Variants in ARHGAP22 observed in about 807,000 individuals in gnomAD.
The protein encoded by ARHGAP22 is rho GTPase-activating protein 22.
Under a neutral mutation model 59.1 loss-of-function variants are expected in ARHGAP22, and 48 were observed. That is an observed-to-expected ratio of 0.81 (90% CI 0.64 to 1.03). The LOEUF is 1.03. ARHGAP22 is among the 50% of genes least tolerant of loss of function. The pLI is 0.00. For synonymous variants in ARHGAP22, 445 were observed against 416.4 expected (o/e 1.07, Z -0.84); for missense variants, 1,015 against 958.7 (o/e 1.06, Z -0.78).
At chr10:48,542,570 C>T (rs1405506288) in intron 3 of ARHGAP22, among the ~76,000 whole-genome samples, 4 of 152,200 alleles carry the variant, frequency 2.6e-5, no homozygotes, top group South Asian at 2.1e-4. Flanking sequence ...GCCTCTGCCC[C>T]GCCTCTCCTG....
intron 9 of ARHGAP22, among the ~76,000 whole-genome samples, chr10:48,447,441 C>T (rs1370464109): frequency 6.6e-6 from 1 of 152,218 alleles, no homozygotes; most frequent in South Asian, 2.1e-4. Context: ...GCACTGGTAA[C>T]CATGGACTGG....
chr10:48,644,526 G>A (rs1334020025), intron 1 of ARHGAP22, among the ~76,000 whole-genome samples: 1 of 152,130 alleles, frequency 6.6e-6, no homozygotes. Context: ...GAGACCTATG[G>A]TAGGCCATAA....
In ARHGAP22 at chr10:48,570,874, C is replaced by A. The variant is rs56289485; in HGVS notation, c.234+12079G>T. ...GAGCCAGGGTTCCAAACGCTCTGCACGAAACGGCCATTGAGGACTGCCAGG... is the reference window on the plus strand; with the variant it reads ...GAGCCAGGGTTCCAAACGCTCTGCAAGAAACGGCCATTGAGGACTGCCAGG... On this transcript the variant is annotated intron_variant, in intron 2 of 9. Transcript: ENST00000249601. Among the ~76,000 whole-genome samples the A allele has an allele frequency of 1.1e-3, 162 of 152,254 alleles. 2 individuals carry two copies. Among genetic ancestry groups the A allele is most frequent in the Non-Finnish European group, 3.8e-4 (26 of 67,994 alleles).
chr10:48,455,435 G>A (rs996962139), intron 5 of ARHGAP22, among the ~76,000 whole-genome samples: 13 of 152,320 alleles, frequency 8.5e-5, no homozygotes, highest in South Asian at 2.1e-4. Context: ...GTGTCAGTCC[G>A]TCCAGAACCT....
chr10:48,544,674 T>C (rs915334713), intron 3 of ARHGAP22, among the ~76,000 whole-genome samples: 2 of 152,258 alleles, frequency 1.3e-5, no homozygotes, highest in African/African-American at 4.8e-5. Context: ...CAATCATACA[T>C]TTTATGAAAT....
Position 48,555,538 on chromosome 10 carries a change from G to T in ARHGAP22, c.247C>A (p.Leu83Ile), listed in dbSNP as rs756188755. 5.9e-5 allele frequency: 96 copies of T among 1,614,036 alleles called. 2 individuals are homozygous for T. Among genetic ancestry groups the T allele is most frequent in the Admixed American group, 1.5e-4 (9 of 60,008 alleles). Reference protein sequence around the residue: ...DEIKPQGFISLQGTQVTELPP... With the variant: ...DEIKPQGFISIQGTQVTELPP... Reference sequence around the variant, plus strand: ...AGTTCAGTCACCTGTGTCCCTTGTAGAGAAATAAATCCCTAAAAAGGAGGC... The same window carrying T: ...AGTTCAGTCACCTGTGTCCCTTGTATAGAAATAAATCCCTAAAAAGGAGGC... Residue 83 changes from leucine to isoleucine, a missense_variant, in exon 3 of 10, where the codon CTA (leucine) becomes ATA (isoleucine). Transcript: ENST00000249601.
rs201859500 is a variant in ARHGAP22, at chr10:48,450,885, C to T, written c.1244G>A (p.Arg415Gln). The change falls in exon 9 of 10, where the codon CGG becomes CAG. Residue 415 changes from arginine to glutamine, a missense_variant. Physicochemically the swap from Arg to Gln is conservative, Grantham distance 43 (BLOSUM62 1). Transcript: ENST00000249601. ...SRTAPTGPGS[R>Q]CSPGKKVQTL... ...CTGCACCTTCTTCCCAGGGCTGCAC[C>T]GGCTCCCCGGCCCCGTGGGGGCTGT... The T allele has an allele frequency of 1.1e-4, 181 of 1,586,626 alleles. 2 individuals are homozygous for T. In the South Asian group the frequency reaches 1.6e-3, roughly 14 times the overall value.
In ARHGAP22 at chr10:48,578,475, G is replaced by A. The variant is rs180854055; in HGVS notation, c.234+4478C>T. On this transcript the variant is annotated intron_variant, in intron 2 of 9. Coordinates refer to ENST00000249601, the MANE Select transcript of ARHGAP22 (RefSeq NM_021226.4). ...AAATGTCACCCTTAACTGGAAGTTTGAATTTGAGTTTTGGTTTTCTCATTA... is the reference window on the plus strand; with the variant it reads ...AAATGTCACCCTTAACTGGAAGTTTAAATTTGAGTTTTGGTTTTCTCATTA... Among the ~76,000 whole-genome samples the A allele has an allele frequency of 2.2e-3, 328 of 152,030 alleles. 3 individuals are homozygous for A. The highest frequency in any genetic ancestry group is 7.7e-3 in the African/African-American group (319 of 41,406).
chr10:48,545,894 C>T (rs371152924), intron 3 of ARHGAP22, among the ~76,000 whole-genome samples: 9 of 152,228 alleles, frequency 5.9e-5, no homozygotes, highest in East Asian at 1.9e-4. Flanking sequence ...CCATTCTACT[C>T]GTTCAAGCAG....
At chr10:48,589,898 A>G (rs2059646044) in intron 1 of ARHGAP22, among the ~76,000 whole-genome samples, 1 of 152,166 alleles carries the variant, frequency 6.6e-6, no homozygotes, top group Non-Finnish European at 1.5e-5. Context: ...TTTACTACAC[A>G]CAGAGGAAAA....
intron 7 of ARHGAP22, among the ~76,000 whole-genome samples, chr10:48,453,723 C>T (rs187524645): frequency 3.6e-4 from 55 of 152,356 alleles, no homozygotes; most frequent in Non-Finnish European, 6.2e-4. Flanking sequence ...CCCCAGTCAG[C>T]GCCGCCCCTG....
chr10:48,506,359 G>A (rs532256715), intron 3 of ARHGAP22, among the ~76,000 whole-genome samples: 11 of 152,354 alleles, frequency 7.2e-5, no homozygotes, highest in African/African-American at 2.6e-4. Context: ...TGCACAGCAT[G>A]AGACTGTGTG....
intron 3 of ARHGAP22, among the ~76,000 whole-genome samples, chr10:48,520,608 G>T (rs1288556466): frequency 6.6e-6 from 1 of 152,210 alleles, no homozygotes; most frequent in Non-Finnish European, 1.5e-5. Context: ...ACAGGGACAA[G>T]AAATTGGTCT....
Position 48,451,027 on chromosome 10 carries a change from C to G in ARHGAP22, c.1102G>C (p.Val368Leu), listed in dbSNP as rs968916766. ...TSPRGGLQCA[V>L]GWGSEEVTRD... ...GTGACCTCCTCGGAGCCCCACCCCA[C>G]TGCGCATTGCAGGCCCCCGCGCGGG... Residue 368 changes from valine to leucine, a missense_variant, in exon 9 of 10, where the codon GTG becomes CTG. Coordinates refer to ENST00000249601, the MANE Select transcript of ARHGAP22 (RefSeq NM_021226.4). The G allele has an allele frequency of 6.4e-7, 1 of 1,554,042 alleles. No homozygotes were observed. The highest frequency in any genetic ancestry group is 8.7e-7 in the Non-Finnish European group (1 of 1,148,966).
At chr10:48,611,262 A>T (rs753036095) in intron 1 of ARHGAP22, among the ~76,000 whole-genome samples, 1 of 152,162 alleles carries the variant, frequency 6.6e-6, no homozygotes, top group Non-Finnish European at 1.5e-5. Context: ...CTAGCTTACC[A>T]GGTGTGACAC....
At chr10:48,529,261 T>C (rs1439845759) in intron 3 of ARHGAP22, among the ~76,000 whole-genome samples, 1 of 152,158 alleles carries the variant, frequency 6.6e-6, no homozygotes, top group East Asian at 1.9e-4. Flanking sequence ...GAACACAGGT[T>C]GGAGGAGTTG....
At chr10:48,498,151 T>C (rs1488164730) in intron 3 of ARHGAP22, among the ~76,000 whole-genome samples, 1 of 152,102 alleles carries the variant, frequency 6.6e-6, no homozygotes, top group Non-Finnish European at 1.5e-5. Context: ...CTCTGTTTTC[T>C]GAGAAGAAAG....
rs776189077 is a variant in ARHGAP22 at position 48,446,537 on chromosome 10, T to C, written c.1951A>G (p.Met651Val). ...ELDQEKKKYIMLEIKLRNSER... is the reference protein window; with the variant it reads ...ELDQEKKKYIVLEIKLRNSER... ...GAGTTCCGCAGCTTTATTTCCAGCA[T>C]GATGTATTTTTTCTTTTCCTGGTCC... Residue 651 changes from methionine (M) to valine (V), a missense_variant, in exon 10 of 10, where the codon ATG (methionine) becomes GTG (valine). Met to Val is a conservative substitution (Grantham distance 21, BLOSUM62 1). Coordinates refer to ENST00000249601, the MANE Select transcript of ARHGAP22 (RefSeq NM_021226.4). 13 of 1,614,068 alleles carry C rather than the reference T, an allele frequency of 8.1e-6. No homozygotes were observed. In the South Asian group the frequency reaches 1.2e-4, roughly 15 times the overall value.
rs182367116 is a variant in ARHGAP22, at chr10:48,528,193, A to T, written c.322+27270T>A. 2.8e-3 allele frequency among the ~76,000 whole-genome samples: 429 copies of T among 152,196 alleles called. 4 individuals carry two copies. The highest frequency in any genetic ancestry group is 0.01 in the African/African-American group (417 of 41,504). On this transcript the variant is annotated intron_variant, in intron 3 of 9. Coordinates refer to ENST00000249601, the MANE Select transcript of ARHGAP22 (RefSeq NM_021226.4). Reference sequence around the variant, plus strand: ...CAGGTCATTCAAGGATTTTCTTAGGAGACTCAGGACCTGCCCTCCATAGTT... The same window carrying T: ...CAGGTCATTCAAGGATTTTCTTAGGTGACTCAGGACCTGCCCTCCATAGTT...
Sources: allele counts gnomAD v4.1 joint callset (sites outside exome capture counted in the v4.1 genomes callset), GRCh38; gene constraint gnomAD v4.1.1; transcripts MANE v1.5; gene names NCBI Gene and HGNC (gene_info 2026-07-23, HGNC 2026-07-21).